Variants in NBEA observed in about 807,000 individuals in gnomAD.
NBEA encodes the protein neurobeachin.
NBEA carries 44 observed loss-of-function variants against 343.4 expected under a neutral mutation model. The observed-to-expected ratio is 0.13, with a 90% CI of 0.10 to 0.16. The LOEUF is 0.16. Ranked by LOEUF, NBEA falls within the 10% of genes least tolerant of loss-of-function variation. The pLI, the probability that NBEA is intolerant of heterozygous loss-of-function variation, is 1.00. For synonymous variants in NBEA, 1,175 were observed against 1,238.7 expected, an observed-to-expected ratio of 0.95 and a Z score of 1.08; for missense variants, 2,555 against 3,631.3, an observed-to-expected ratio of 0.70 and a Z score of 7.62.
intron 10 of NBEA, among the ~76,000 whole-genome samples, chr13:35,084,095 A>G (rs1312226370): frequency 6.6e-6 from 1 of 152,150 alleles, no homozygotes; most frequent in Non-Finnish European, 1.5e-5. Flanking sequence ...AGAGACCTAG[A>G]AAGAGACTTA....
intron 40 of NBEA, among the ~76,000 whole-genome samples, chr13:35,464,376 C>G (rs2047063186): frequency 6.6e-6 from 1 of 152,168 alleles, no homozygotes; most frequent in Non-Finnish European, 1.5e-5. Context: ...AACTATTCCC[C>G]CTTGCTCACA....
intron 41 of NBEA, among the ~76,000 whole-genome samples, chr13:35,512,033 T>G (rs1269741793): frequency 1.3e-5 from 2 of 152,228 alleles, no homozygotes; most frequent in Non-Finnish European, 2.9e-5. Flanking sequence ...ATGCAGTGAC[T>G]ATTTGAAGAT....
At chr13:35,545,059 A>T (rs1437840290) in intron 41 of NBEA, among the ~76,000 whole-genome samples, 1 of 152,192 alleles carries the variant, frequency 6.6e-6, no homozygotes, top group Non-Finnish European at 1.5e-5. Context: ...CTATAATAAA[A>T]AGCAAACTGA....
intron 34 of NBEA, among the ~76,000 whole-genome samples, chr13:35,270,149 A>G (rs972678796): frequency 2.6e-5 from 4 of 152,216 alleles, no homozygotes; most frequent in African/African-American, 9.6e-5. Context: ...CCAAATGTTT[A>G]CTAAATGTAG....
rs574858798 is a variant in NBEA at position 35,031,652 on chromosome 13, T to A, written c.295-9281T>A. On this transcript the variant is annotated intron_variant, in intron 1 of 58. Transcript: ENST00000379939. ...CAACAATTTTATTAGACAGGAACTT[T>A]TTTTTTCAGGTTTGTAGGCACATGT... 2.6e-5 allele frequency among the ~76,000 whole-genome samples: 4 copies of A among 151,712 alleles called. No homozygotes were observed. In the South Asian group the frequency reaches 8.3e-4, roughly 31 times the overall value.
intron 34 of NBEA, among the ~76,000 whole-genome samples, chr13:35,259,575 C>T (rs1304337606): frequency 6.6e-6 from 1 of 152,012 alleles, no homozygotes; most frequent in East Asian, 1.9e-4. Flanking sequence ...AAATAATTCA[C>T]TTATTTTGCT....
chr13:35,521,534 G>T (rs976735291), intron 41 of NBEA, among the ~76,000 whole-genome samples: 2 of 152,184 alleles, frequency 1.3e-5, no homozygotes, highest in Non-Finnish European at 2.9e-5. Flanking sequence ...CATTTGTCTG[G>T]ATGTCTCCCC....
intron 52 of NBEA, among the ~76,000 whole-genome samples, chr13:35,650,953 T>C (rs570723745): frequency 2.0e-5 from 3 of 152,332 alleles, no homozygotes; most frequent in South Asian, 4.1e-4. Context: ...CCTAAGAGTT[T>C]CTAAGTGCAC....
Position 35,472,388 on chromosome 13 carries a change from C to T in NBEA, c.6449-12C>T, listed in dbSNP as rs1346373860. 1.9e-6 allele frequency: 3 copies of T among 1,611,830 alleles called. No homozygotes were observed. The African/African-American group carries it at 4.0e-5, about 22-fold the overall frequency. On this transcript the variant is annotated splice_polypyrimidine_tract_variant and intron_variant, in intron 40 of 58. Transcript: ENST00000379939. ...GGGGCTCAGCCTGACTCCCCTTGTC[C>T]TTGCCTTGCAGGCCCAGTGGTTCTC...
chr13:35,149,303 G>C (rs1297270309), intron 18 of NBEA, among the ~76,000 whole-genome samples: 1 of 151,986 alleles, frequency 6.6e-6, no homozygotes, highest in Admixed American at 6.6e-5. Context: ...CATAGTAACT[G>C]TTTTTTATTG....
At chr13:35,594,992 A>ACACACACACACACACACACAC (rs35174924) in intron 47 of NBEA, among the ~76,000 whole-genome samples, 1 of 130,600 alleles carries the variant, frequency 7.7e-6, no homozygotes. Context: ...CACACACACA[A>ACACACACACACACACACACAC]ATTGGCTTTT....
chr13:35,514,942 A>G (rs1034407051), intron 41 of NBEA, among the ~76,000 whole-genome samples: 1 of 152,188 alleles, frequency 6.6e-6, no homozygotes, highest in East Asian at 1.9e-4. Context: ...TGCTTTTGGC[A>G]ATGACAGATA....
At chr13:35,408,981 A>G (rs556321625) in intron 38 of NBEA, among the ~76,000 whole-genome samples, 1 of 152,264 alleles carries the variant, frequency 6.6e-6, no homozygotes, top group South Asian at 2.1e-4. Context: ...TAGATCCAGC[A>G]ATCCCATTAC....
chr13:35,543,357 T>A (rs1379624011), intron 41 of NBEA, among the ~76,000 whole-genome samples: 1 of 152,236 alleles, frequency 6.6e-6, no homozygotes, highest in Non-Finnish European at 1.5e-5. Context: ...AGTTGTATTA[T>A]AGACAGTGTT....
intron 18 of NBEA, among the ~76,000 whole-genome samples, chr13:35,145,488 G>A (rs1308663215): frequency 1.3e-5 from 2 of 152,168 alleles, no homozygotes; most frequent in Non-Finnish European, 2.9e-5. Flanking sequence ...TAGTGGGTCT[G>A]CATACAAGGA....
chr13:35,031,842 C>T (rs191107761), intron 1 of NBEA, among the ~76,000 whole-genome samples: 1 of 151,690 alleles, frequency 6.6e-6, no homozygotes, highest in Admixed American at 6.6e-5. Context: ...TTGTTTCCTT[C>T]TTTATGTTAG....
At chr13:35,024,836 C>G (rs755456079) in intron 1 of NBEA, among the ~76,000 whole-genome samples, 60 of 152,224 alleles carry the variant, frequency 3.9e-4, no homozygotes, top group Admixed American at 5.9e-4. Context: ...TTGCTAACAT[C>G]TATTATTTGC....
intron 5 of NBEA, 50 bp from the exon 6 acceptor site, chr13:35,050,219 T>C (rs1435974807): frequency 6.4e-7 from 1 of 1,553,604 alleles, no homozygotes; most frequent in Non-Finnish European, 8.8e-7. Flanking sequence ...CATTAGGTGT[T>C]TAGTTCTTTT....
At chr13:35,203,687 T>C (rs2073175657) in intron 31 of NBEA, among the ~76,000 whole-genome samples, 1 of 152,158 alleles carries the variant, frequency 6.6e-6, no homozygotes, top group African/African-American at 2.4e-5. Context: ...TAGGATAAAT[T>C]CAATGATGGA....
Sources: allele counts gnomAD v4.1 joint callset (sites outside exome capture counted in the v4.1 genomes callset), GRCh38; gene constraint gnomAD v4.1.1; transcripts MANE v1.5; gene names NCBI Gene and HGNC (gene_info 2026-07-23, HGNC 2026-07-21).